ENPP6: variants seen among roughly 807,000 people sequenced by gnomAD.
ENPP6 encodes ectonucleotide pyrophosphatase/phosphodiesterase 6, also known as glycerophosphocholine cholinephosphodiesterase ENPP6.
Under a neutral mutation model 42.0 loss-of-function variants are expected in ENPP6, and 32 were observed. That is an observed-to-expected ratio of 0.76 (90% confidence interval 0.58 to 1.02). ENPP6 has a LOEUF of 1.02. Ranked by LOEUF, ENPP6 falls within the 50% of genes least tolerant of loss-of-function variation. ENPP6 has a pLI of 0.00. For missense variants in ENPP6, 552 were observed against 566.8 expected (o/e 0.97, Z 0.27); for synonymous variants, 213 against 216.0 (o/e 0.99, Z 0.12).
chr4:184,115,798 C>T (rs1260056499), intron 5 of ENPP6, among the ~76,000 whole-genome samples: 2 of 152,182 alleles, frequency 1.3e-5, no homozygotes, highest in African/African-American at 4.8e-5. Flanking sequence ...CATTCTTTAC[C>T]CTCTTGTTCC....
intron 1 of ENPP6, among the ~76,000 whole-genome samples, chr4:184,170,325 G>A (rs1737440548): frequency 6.6e-6 from 1 of 152,098 alleles, no homozygotes; most frequent in Admixed American, 6.5e-5. Context: ...AGCTGCTCAG[G>A]AGGCTGAGGC....
At chr4:184,199,644 T>A (rs1443434149) in intron 1 of ENPP6, among the ~76,000 whole-genome samples, 1 of 152,182 alleles carries the variant, frequency 6.6e-6, no homozygotes, top group Non-Finnish European at 1.5e-5. Flanking sequence ...CACCGTGACA[T>A]CCACAGACAC....
intron 1 of ENPP6, among the ~76,000 whole-genome samples, chr4:184,180,047 C>T (rs1732527895): frequency 6.6e-6 from 1 of 151,972 alleles, no homozygotes; most frequent in Non-Finnish European, 1.5e-5. Flanking sequence ...GAGATGGAGA[C>T]ATGAAAATCC....
At chr4:184,174,594 C>T (rs928658489) in intron 1 of ENPP6, among the ~76,000 whole-genome samples, 6 of 152,286 alleles carry the variant, frequency 3.9e-5, no homozygotes, top group African/African-American at 1.2e-4. Context: ...AAGGGAAAAC[C>T]GAGACTCAGA....
chr4:184,193,313 A>G (rs1732734201), intron 1 of ENPP6, among the ~76,000 whole-genome samples: 2 of 152,256 alleles, frequency 1.3e-5, no homozygotes, highest in African/African-American at 2.4e-5. Flanking sequence ...AAAAGGAGAA[A>G]CATACTAATG....
At chr4:184,115,350 A>G (rs1736295002) in intron 5 of ENPP6, among the ~76,000 whole-genome samples, 1 of 152,206 alleles carries the variant, frequency 6.6e-6, no homozygotes, top group South Asian at 2.1e-4. Context: ...GGAAGTGACT[A>G]GGAACTCGGG....
intron 1 of ENPP6, among the ~76,000 whole-genome samples, chr4:184,196,442 A>G (rs1301113046): frequency 6.6e-6 from 1 of 152,258 alleles, no homozygotes; most frequent in Admixed American, 6.5e-5. Context: ...TCATGTATGA[A>G]TGCAATGTAT....
chr4:184,099,898 G>A (rs762378775), intron 6 of ENPP6, among the ~76,000 whole-genome samples: 6 of 152,234 alleles, frequency 3.9e-5, no homozygotes, highest in South Asian at 2.1e-4. Context: ...ACTGAAGCAC[G>A]AAGTAGAACA....
At chr4:184,100,460 G>A (rs982721428) in intron 6 of ENPP6, among the ~76,000 whole-genome samples, 16 of 152,194 alleles carry the variant, frequency 1.1e-4, no homozygotes, top group African/African-American at 3.9e-4. Context: ...CGGGGCCCAG[G>A]GACTGCCACA....
At chr4:184,098,795 C>T (rs1331839309) in intron 6 of ENPP6, among the ~76,000 whole-genome samples, 1 of 152,234 alleles carries the variant, frequency 6.6e-6, no homozygotes, top group African/African-American at 2.4e-5. Context: ...TCAGAAGCCA[C>T]TCATTCTTCT....
intron 1 of ENPP6, among the ~76,000 whole-genome samples, chr4:184,213,705 G>A (rs1419239776): frequency 2.7e-5 from 4 of 149,362 alleles, no homozygotes; most frequent in East Asian, 3.9e-4. Flanking sequence ...ATCTAGAACT[G>A]GAAATACCAT....
intron 1 of ENPP6, among the ~76,000 whole-genome samples, chr4:184,217,283 T>C (rs956425619): frequency 7.9e-5 from 12 of 152,164 alleles, no homozygotes; most frequent in African/African-American, 2.7e-4. Flanking sequence ...TTAGAATTTC[T>C]CTTTCTAAAA....
At chr4:184,186,222 T>C (rs1732632658) in intron 1 of ENPP6, among the ~76,000 whole-genome samples, 1 of 152,338 alleles carries the variant, frequency 6.6e-6, no homozygotes, top group Admixed American at 6.5e-5. Context: ...GATACTATTC[T>C]GCTGTAAACA....
At chr4:184,160,087 A>G (rs1737236587) in intron 1 of ENPP6, among the ~76,000 whole-genome samples, 1 of 152,162 alleles carries the variant, frequency 6.6e-6, no homozygotes, top group Admixed American at 6.5e-5. Context: ...TATTTTTGCA[A>G]TTATGAATTG....
At chr4:184,215,374 CA>C (rs1158571758) in intron 1 of ENPP6, among the ~76,000 whole-genome samples, 6 of 152,292 alleles carry the variant, frequency 3.9e-5, no homozygotes, top group Admixed American at 3.3e-4. Context: ...CTACAATTCC[CA>C]ATGGCTATAT....
At chr4:184,108,815 T>C (rs1736147303) in intron 6 of ENPP6, among the ~76,000 whole-genome samples, 1 of 152,202 alleles carries the variant, frequency 6.6e-6, no homozygotes, top group Non-Finnish European at 1.5e-5. Context: ...ATAGGTGCTG[T>C]AAGTTATGTT....
intron 3 of ENPP6, among the ~76,000 whole-genome samples, chr4:184,120,732 G>A (rs1048549187): frequency 1.3e-5 from 2 of 152,236 alleles, no homozygotes; most frequent in Admixed American, 6.5e-5. Context: ...ATGTGTGGTG[G>A]GAGGCACATG....
chr4:184,117,675 A>T, intron 4 of ENPP6, 84 bp downstream of exon 4: 1 of 1,568,964 alleles, frequency 6.4e-7, no homozygotes, highest in Non-Finnish European at 8.7e-7. Flanking sequence ...GTAAGAGGGA[A>T]GATGTTGACA....
chr4:184,112,727 C>T lies in ENPP6; in HGVS notation c.938G>A (p.Gly313Glu), dbSNP rs750239546. The part of the protein sequence containing the change: ...AIPSRFYYKK[G>E]KFVSPLTLVA... ...TAAAGTCAAAGGAGAGACAAACTTT[C>T]CTTTCTTGTAATAGAACCTGCTTGG... Residue 313 changes from glycine to glutamate, a missense_variant, in exon 6 of 8, where the codon GGA becomes GAA. Transcript: ENST00000296741. 6.2e-7 allele frequency: 1 copy of T among 1,614,156 alleles called. No individual in the cohort carries two copies. Among genetic ancestry groups the T allele is most frequent in the East Asian group, 2.2e-5 (1 of 44,870 alleles).
Sources: allele counts gnomAD v4.1 joint callset (sites outside exome capture counted in the v4.1 genomes callset), GRCh38; gene constraint gnomAD v4.1.1; transcripts MANE v1.5; gene names NCBI Gene and HGNC (gene_info 2026-07-23, HGNC 2026-07-21).